The following HDAC9 variants were observed in gnomAD, a reference collection of about 807,000 sequenced individuals.
HDAC9 encodes histone deacetylase 9.
In HDAC9, 41 loss-of-function variants were observed where a neutral mutation model predicts 139.4. That is an observed-to-expected ratio of 0.29 (90% confidence interval 0.23 to 0.38). The LOEUF is 0.38. HDAC9 is among the 10% of genes least tolerant of loss of function. The pLI, the probability that HDAC9 is intolerant of heterozygous loss-of-function variation, is 1.00. For synonymous variants in HDAC9, 517 were observed against 476.2 expected, an observed-to-expected ratio of 1.09 and a Z score of -1.12; for missense variants, 1,147 against 1,297.0, an observed-to-expected ratio of 0.88 and a Z score of 1.78.
chr7:18,391,876 C>G (rs940780759), intron 1 of HDAC9, among the ~76,000 whole-genome samples: 1 of 152,172 alleles, frequency 6.6e-6, no homozygotes, highest in African/African-American at 2.4e-5. Context: ...TTCACACAGG[C>G]CTAGTGCTCA....
chr7:18,981,109 C>T (rs935186695), intron 25 of HDAC9, among the ~76,000 whole-genome samples: 1 of 152,130 alleles, frequency 6.6e-6, no homozygotes, highest in African/African-American at 2.4e-5. Context: ...CAGGTGTGAG[C>T]CACCGTGCCC....
intron 1 of HDAC9, among the ~76,000 whole-genome samples, chr7:18,306,121 T>C (rs1053275738): frequency 2.0e-5 from 3 of 152,178 alleles, no homozygotes; most frequent in Admixed American, 6.5e-5. Flanking sequence ...AGTAAGTTGG[T>C]GTGCTAGGTA....
At chr7:18,724,283 A>G (rs1785361708) in intron 12 of HDAC9, among the ~76,000 whole-genome samples, 1 of 152,154 alleles carries the variant, frequency 6.6e-6, no homozygotes, top group Admixed American at 6.5e-5. Context: ...ACAGACCTAG[A>G]TGGTATAGCC....
intron 2 of HDAC9, among the ~76,000 whole-genome samples, chr7:18,244,642 C>G (rs534405882): frequency 6.6e-6 from 1 of 151,978 alleles, no homozygotes; most frequent in East Asian, 1.9e-4. Flanking sequence ...ACTAAAAATA[C>G]AAAAAATTAT....
chr7:18,975,716 A>T, intron 24 of HDAC9, 90 bp from the exon 25 acceptor site: 1 of 1,256,366 alleles, frequency 8.0e-7, no homozygotes, highest in Non-Finnish European at 1.1e-6. Flanking sequence ...TTTTAACTTA[A>T]CAACTGCTCT....
intron 1 of HDAC9, 68 bp from the exon 2 acceptor site, chr7:18,496,194 T>C (rs1302496890): frequency 6.5e-7 from 1 of 1,545,278 alleles, no homozygotes; most frequent in Non-Finnish European, 8.9e-7. Flanking sequence ...ATGTTTCATG[T>C]AGCTGAAGTA....
intron 2 of HDAC9, among the ~76,000 whole-genome samples, chr7:18,205,612 C>A (rs1178227923): frequency 6.6e-6 from 1 of 152,042 alleles, no homozygotes; most frequent in Non-Finnish European, 1.5e-5. Flanking sequence ...TGATTATGAT[C>A]TAAATTGCTA....
At chr7:18,648,410 A>AGGTG in intron 10 of HDAC9, 56 bp from the exon 11 acceptor site, 2 of 1,056,344 alleles carry the variant, frequency 1.9e-6, no homozygotes, top group Non-Finnish European at 2.9e-6. Context: ...GTGTGTGTGT[A>AGGTG]TGTGTGTGTG....
intron 1 of HDAC9, chr7:18,429,412 C>T (rs1292233386): frequency 2.0e-5 from 3 of 152,054 alleles, no homozygotes; most frequent in Non-Finnish European, 4.4e-5. Flanking sequence ...GTGTTTTGTT[C>T]CTTGTTAGCT....
rs200245147 is a variant in HDAC9 at position 18,466,996 on chromosome 7, A to AT, written c.-41-29260dup. On this transcript the variant is annotated intron_variant, in intron 1 of 3. Transcript: ENST00000413509. ...ATTTTCTCTTTCTCTAAGCACTCTT[A>AT]TTTTTTCAAAGAGCTTCAATTACTG... is the stretch of plus-strand genomic sequence containing the variant. Among the ~76,000 whole-genome samples, 908 of 152,082 alleles carry AT rather than the reference A, an allele frequency of 6.0e-3. 11 individuals carry two copies. The highest frequency in any genetic ancestry group is 0.021 in the African/African-American group (861 of 41,478).
chr7:18,494,322 C>G (rs1032461533), upstream of HDAC9, among the ~76,000 whole-genome samples: 1 of 152,040 alleles, frequency 6.6e-6, no homozygotes, highest in Non-Finnish European at 1.5e-5. Flanking sequence ...TCCCTTTCAT[C>G]AAAACTCTGT....
At chr7:18,673,401 T>C (rs1331565066) in intron 12 of HDAC9, among the ~76,000 whole-genome samples, 3 of 152,050 alleles carry the variant, frequency 2.0e-5, no homozygotes. Flanking sequence ...CATGTACCTA[T>C]TGAACGTTTA....
intron 18 of HDAC9, 92 bp downstream of exon 18, chr7:18,829,308 C>A: frequency 8.4e-7 from 1 of 1,189,074 alleles, no homozygotes; most frequent in Non-Finnish European, 1.3e-6. Flanking sequence ...TAATTGTTAG[C>A]AGATGGACTG....
At chr7:18,087,006 T>A (rs929316449) in exon 1 of HDAC9, 4 of 150,550 alleles carry the variant, frequency 2.7e-5, no homozygotes, top group African/African-American at 9.7e-5. Context: ...TTCGCCGCGG[T>A]CTCCTCCTCT....
At chr7:18,188,296 A>G (rs559801498) in intron 2 of HDAC9, among the ~76,000 whole-genome samples, 8 of 152,280 alleles carry the variant, frequency 5.3e-5, no homozygotes, top group Non-Finnish European at 1.2e-4. Flanking sequence ...GGCTAGCTAT[A>G]TGCAGAAAAT....
At chr7:18,618,105 A>G (rs1429687721) in intron 6 of HDAC9, among the ~76,000 whole-genome samples, 1 of 152,218 alleles carries the variant, frequency 6.6e-6, no homozygotes, top group Non-Finnish European at 1.5e-5. Context: ...TCAGATAAAC[A>G]TCAGAGAGAC....
chr7:18,380,940 AGCACTTTG>A (rs1476082273), intron 1 of HDAC9, among the ~76,000 whole-genome samples: 1 of 152,128 alleles, frequency 6.6e-6, no homozygotes, highest in Non-Finnish European at 1.5e-5. Context: ...CTGTAATCCC[AGCACTTTG>A]GCACTTTGGG....
chr7:18,310,715 G>A (rs1423585396), intron 1 of HDAC9, among the ~76,000 whole-genome samples: 12 of 151,838 alleles, frequency 7.9e-5, no homozygotes, highest in Admixed American at 7.2e-4. Flanking sequence ...GTGTGACATA[G>A]ACATCATACA....
chr7:18,158,711 C>T (rs735213), intron 1 of HDAC9, among the ~76,000 whole-genome samples: 6,324 of 152,314 alleles, frequency 0.042, 166 homozygotes, highest in Non-Finnish European at 0.058. Context: ...TAAAGCTCTG[C>T]TGACTTGTGA....
Sources: allele counts gnomAD v4.1 joint callset (sites outside exome capture counted in the v4.1 genomes callset), GRCh38; gene constraint gnomAD v4.1.1; transcripts MANE v1.5; gene names NCBI Gene and HGNC (gene_info 2026-07-23, HGNC 2026-07-21).